PEBP4: variants seen among roughly 807,000 people sequenced by gnomAD.
The protein encoded by PEBP4 is phosphatidylethanolamine-binding protein 4.
PEBP4 carries 22 observed loss-of-function variants against 23.9 expected under a neutral mutation model. The observed-to-expected ratio is 0.92, with a 90% CI of 0.66 to 1.31. PEBP4 has a LOEUF of 1.31. Among genes scored for constraint, PEBP4 ranks in the 40% most tolerant of loss-of-function variants. The pLI is 0.00. For missense variants in PEBP4, 324 were observed against 281.7 expected, an observed-to-expected ratio of 1.15 and a Z score of -1.07; for synonymous variants, 112 against 99.3, an observed-to-expected ratio of 1.13 and a Z score of -0.76.
At chr8:22,757,164 C>G (rs1019952223) in intron 4 of PEBP4, 3 of 152,226 alleles carry the variant, frequency 2.0e-5, no homozygotes, top group African/African-American at 7.2e-5. Flanking sequence ...CTTAACCAAA[C>G]AACCAAACTG....
At chr8:22,828,793 G>A (rs1411259618) in intron 3 of PEBP4, among the ~76,000 whole-genome samples, 1 of 152,148 alleles carries the variant, frequency 6.6e-6, no homozygotes, top group Non-Finnish European at 1.5e-5. Flanking sequence ...TAGCAAACAT[G>A]TGGAACAGCC....
intron 4 of PEBP4, among the ~76,000 whole-genome samples, chr8:22,752,924 C>T (rs1193534582): frequency 6.6e-6 from 1 of 152,228 alleles, no homozygotes; most frequent in East Asian, 1.9e-4. Context: ...ATTTCTCCTT[C>T]CTTCACCACC....
At chr8:22,808,884 A>C (rs990649193) in intron 4 of PEBP4, among the ~76,000 whole-genome samples, 2 of 152,230 alleles carry the variant, frequency 1.3e-5, no homozygotes, top group African/African-American at 4.8e-5. Flanking sequence ...ATTAGTAGCC[A>C]CAGTGCTGAG....
chr8:22,724,513 G>A lies in PEBP4; in HGVS notation c.517+330C>T, dbSNP rs192839693. Among the ~76,000 whole-genome samples, 16 of 152,306 alleles carry A rather than the reference G, an allele frequency of 1.1e-4. No homozygotes were observed. In the East Asian group the frequency reaches 2.9e-3, roughly 28 times the overall value. ...CACAATGACTTGCCAAAGTTCAGGGGCAGCTGCCTGCACATGCCATGCAAA... is the reference window on the plus strand; with the variant it reads ...CACAATGACTTGCCAAAGTTCAGGGACAGCTGCCTGCACATGCCATGCAAA... On this transcript the variant is annotated intron_variant, in intron 6 of 6. Coordinates refer to ENST00000256404, the MANE Select transcript of PEBP4 (RefSeq NM_144962.3).
At chr8:22,813,074 A>T (rs1192770553) in intron 4 of PEBP4, among the ~76,000 whole-genome samples, 3 of 152,194 alleles carry the variant, frequency 2.0e-5, no homozygotes, top group Non-Finnish European at 1.5e-5. Flanking sequence ...TGCCCTGTTT[A>T]TTGGATTTCC....
intron 4 of PEBP4, among the ~76,000 whole-genome samples, chr8:22,808,609 C>T (rs1421573473): frequency 6.6e-6 from 1 of 152,192 alleles, no homozygotes; most frequent in African/African-American, 2.4e-5. Flanking sequence ...GTAGAGCAAG[C>T]CTTTCGGCAG....
In PEBP4 at chr8:22,775,820, G is replaced by A. The variant is rs182499649; in HGVS notation, c.357+41817C>T. ...GGTTCTCCAGGCTGGAAGGGCTTCC[G>A]GAATCTCTGAGTGGGCAGGAAGGAT... On this transcript the variant is annotated intron_variant, in intron 4 of 6. Coordinates refer to ENST00000256404, the MANE Select transcript of PEBP4 (RefSeq NM_144962.3). The surrounding 1 kb of genome is among the most constrained non-coding windows in gnomAD (Gnocchi z 4.8). Among the ~76,000 whole-genome samples the A allele has an allele frequency of 2.6e-5, 4 of 152,234 alleles. No individual in the cohort carries two copies. The highest frequency in any genetic ancestry group is 3.9e-4 in the East Asian group (2 of 5,170).
chr8:22,818,310 G>T (rs75945892), intron 3 of PEBP4, among the ~76,000 whole-genome samples: 1 of 152,036 alleles, frequency 6.6e-6, no homozygotes, highest in Non-Finnish European at 1.5e-5. Flanking sequence ...GGTAAAAGAC[G>T]CAGATAATAA....
intron 3 of PEBP4, among the ~76,000 whole-genome samples, chr8:22,912,131 C>G (rs1385092778): frequency 6.6e-6 from 1 of 152,140 alleles, no homozygotes; most frequent in Non-Finnish European, 1.5e-5. Context: ...ATAAGGAGCC[C>G]TGGGAGTGAA....
At chr8:22,835,120 C>T (rs914460225) in intron 3 of PEBP4, among the ~76,000 whole-genome samples, 1 of 152,080 alleles carries the variant, frequency 6.6e-6, no homozygotes, top group Non-Finnish European at 1.5e-5. Context: ...GGATTCCAGC[C>T]CCAGTTCTAC....
intron 3 of PEBP4, among the ~76,000 whole-genome samples, chr8:22,868,271 G>GTT (rs1807946235): frequency 6.6e-6 from 1 of 152,166 alleles, no homozygotes; most frequent in Non-Finnish European, 1.5e-5. Context: ...AGCAGTCAAG[G>GTT]TGTTTGGGGA....
chr8:22,813,348 G>C (rs1288259552), intron 4 of PEBP4, among the ~76,000 whole-genome samples: 1 of 152,162 alleles, frequency 6.6e-6, no homozygotes. Flanking sequence ...TTTCTAGGAA[G>C]ATTTTCTTTT....
chr8:22,885,944 T>C (rs1808364132), intron 3 of PEBP4: 1 of 152,220 alleles, frequency 6.6e-6, no homozygotes, highest in Non-Finnish European at 1.5e-5. Flanking sequence ...GGTTGACTTA[T>C]GCATCCTTTT....
chr8:22,722,803 T>A (rs1210984675), intron 6 of PEBP4, among the ~76,000 whole-genome samples: 1 of 149,574 alleles, frequency 6.7e-6, no homozygotes, highest in Non-Finnish European at 1.5e-5. Flanking sequence ...AGACGGAGTC[T>A]CTCTCTGTCC....
intron 4 of PEBP4, among the ~76,000 whole-genome samples, chr8:22,803,917 C>T (rs901593973): frequency 6.6e-6 from 1 of 152,196 alleles, no homozygotes; most frequent in African/African-American, 2.4e-5. Context: ...GCTGCTCTCT[C>T]CATGGCCACG....
At chr8:22,720,216 G>T (rs1044437566) in intron 6 of PEBP4, among the ~76,000 whole-genome samples, 1 of 152,214 alleles carries the variant, frequency 6.6e-6, no homozygotes, top group African/African-American at 2.4e-5. Context: ...AGATGTCTGG[G>T]GAGGCACAAC....
intron 3 of PEBP4, among the ~76,000 whole-genome samples, chr8:22,835,053 G>A (rs1807173013): frequency 6.6e-6 from 1 of 152,168 alleles, no homozygotes; most frequent in Admixed American, 6.5e-5. Flanking sequence ...TCTCCAGAAA[G>A]GCGACCTAAC....
At chr8:22,786,066 A>T (rs1347252390) in intron 4 of PEBP4, among the ~76,000 whole-genome samples, 3 of 152,174 alleles carry the variant, frequency 2.0e-5, no homozygotes, top group African/African-American at 7.2e-5. Flanking sequence ...TGGAGTAGAA[A>T]CTGAATACAT....
intron 4 of PEBP4, among the ~76,000 whole-genome samples, chr8:22,814,356 TA>T (rs1274677880): frequency 6.6e-6 from 1 of 152,238 alleles, no homozygotes; most frequent in Non-Finnish European, 1.5e-5. Context: ...TACCATGAAT[TA>T]ATGCCCGGTC....
Sources: gnomAD v4.1 joint callset for allele counts (sites outside exome capture counted in the v4.1 genomes callset) on GRCh38, gnomAD v4.1.1 for gene constraint, Gnocchi (gnomAD v3.1) non-coding constraint, MANE v1.5 for transcripts, NCBI Gene and HGNC (gene_info 2026-07-23, HGNC 2026-07-21) for gene names.